The following BMP6 variants were observed in gnomAD, a reference collection of about 807,000 sequenced individuals.
The protein encoded by BMP6 is VG-1-R.
In BMP6, 17 loss-of-function variants were observed where a neutral mutation model predicts 54.1. The ratio of observed to expected loss-of-function variants is 0.31; its 90% CI spans 0.22 to 0.47. The LOEUF (loss-of-function observed/expected upper bound fraction) is 0.47, where lower values mean the gene tolerates loss of function less well. Ranked by LOEUF, BMP6 falls within the 20% of genes least tolerant of loss-of-function variation. The pLI is 1.00. For missense variants in BMP6, 720 were observed against 690.4 expected, an observed-to-expected ratio of 1.04 and a Z score of -0.48; for synonymous variants, 328 against 291.2, an observed-to-expected ratio of 1.13 and a Z score of -1.28.
rs201500880 is a variant in BMP6 at position 7,862,993 on chromosome 6, TTTG to T, written c.1204+507_1204+509del. ...ATTTAATGGAGAGGTTGAGGGTTTT[TTTG>T]TTGTTGTTGTTTGTTTTTGGGAGAC... On this transcript the variant is annotated intron_variant, in intron 4 of 6. Coordinates refer to ENST00000283147, the MANE Select transcript of BMP6 (RefSeq NM_001718.6). Among the ~76,000 whole-genome samples, 721 of 152,084 alleles carry T rather than the reference TTTG, an allele frequency of 4.7e-3. 3 individuals are homozygous for T. Among genetic ancestry groups the T allele is most frequent in the Middle Eastern group, 6.8e-3 (2 of 292 alleles).
intron 1 of BMP6, among the ~76,000 whole-genome samples, chr6:7,779,175 A>T (rs1757903523): frequency 6.6e-6 from 1 of 152,170 alleles, no homozygotes; most frequent in Non-Finnish European, 1.5e-5. Flanking sequence ...CCCAGCAAAT[A>T]TTTGTGGTGG....
At chr6:7,872,866 A>G (rs191381823) in intron 4 of BMP6, among the ~76,000 whole-genome samples, 1 of 137,594 alleles carries the variant, frequency 7.3e-6, no homozygotes, top group Admixed American at 8.0e-5. Flanking sequence ...AGGCTGGAGT[A>G]TGGTGGCATA....
At chr6:7,738,917 C>A (rs551493378) in intron 1 of BMP6, among the ~76,000 whole-genome samples, 1 of 152,252 alleles carries the variant, frequency 6.6e-6, no homozygotes, top group Non-Finnish European at 1.5e-5. Flanking sequence ...TCATCGACAC[C>A]TTGGCTCTTC....
intron 1 of BMP6, among the ~76,000 whole-genome samples, chr6:7,766,078 C>T (rs770539640): frequency 6.6e-6 from 1 of 152,120 alleles, no homozygotes; most frequent in African/African-American, 2.4e-5. Context: ...TTTTTTTGAG[C>T]GGCAGGGAAA....
intron 4 of BMP6, among the ~76,000 whole-genome samples, chr6:7,874,661 T>C (rs1759578204): frequency 6.6e-6 from 1 of 152,016 alleles, no homozygotes; most frequent in African/African-American, 2.4e-5. Context: ...GGTGGGAGCA[T>C]CACTTGAGCC....
At chr6:7,868,762 G>GC (rs1340159493) in intron 4 of BMP6, among the ~76,000 whole-genome samples, 1 of 152,264 alleles carries the variant, frequency 6.6e-6, no homozygotes, top group Admixed American at 6.5e-5. Flanking sequence ...GACCTGCTGA[G>GC]CGGGGACACC....
At chr6:7,817,586 T>TA (rs1554122978) in intron 1 of BMP6, among the ~76,000 whole-genome samples, 1 of 28,486 alleles carries the variant, frequency 3.5e-5, no homozygotes, top group Non-Finnish European at 6.8e-5. Context: ...GCGTGGGGGG[T>TA]GGGGGGAGGG....
chr6:7,842,196 C>T (rs536004746), intron 1 of BMP6, among the ~76,000 whole-genome samples: 1 of 152,304 alleles, frequency 6.6e-6, no homozygotes, highest in South Asian at 2.1e-4. Flanking sequence ...CCATCTCTCA[C>T]AGTCTTGTGG....
At chr6:7,875,401 G>C (rs565470747) in intron 4 of BMP6, among the ~76,000 whole-genome samples, 4 of 152,128 alleles carry the variant, frequency 2.6e-5, no homozygotes, top group African/African-American at 9.7e-5. Flanking sequence ...ACAGTTGCCA[G>C]ACTCAGTAGC....
rs568602030 is a variant in BMP6, at chr6:7,821,275, C to G, written c.665-23865C>G. Among the ~76,000 whole-genome samples, 4 of 152,312 alleles carry G rather than the reference C, an allele frequency of 2.6e-5. No homozygotes were observed. In the East Asian group the frequency reaches 7.7e-4, roughly 29 times the overall value. On this transcript the variant is annotated intron_variant, in intron 1 of 6. Transcript: ENST00000283147. ...CCCTAAAGGACTCTCCTGTCCCCAC[C>G]CAGGGGTGGCTTCACCTAGGCTGAG...
intron 1 of BMP6, 133 bp downstream of exon 1, chr6:7,727,752 C>A: frequency 8.7e-7 from 1 of 1,147,706 alleles, no homozygotes; most frequent in African/African-American, 1.6e-5. Context: ...AACGCGGGGA[C>A]AGGCAGGCTG....
chr6:7,816,497 T>A (rs902115806), intron 1 of BMP6, among the ~76,000 whole-genome samples: 1 of 152,126 alleles, frequency 6.6e-6, no homozygotes, highest in Non-Finnish European at 1.5e-5. Flanking sequence ...GAAGCAGAAG[T>A]AAAATTGGGA....
intron 1 of BMP6, among the ~76,000 whole-genome samples, chr6:7,734,182 G>A (rs1761918358): frequency 6.6e-6 from 1 of 152,162 alleles, no homozygotes. Flanking sequence ...TTTTTCTGGG[G>A]ACACGTATGC....
rs1759143030 is a variant in BMP6 at position 7,851,591 on chromosome 6, C to T, written c.857+6259C>T. On this transcript the variant is annotated intron_variant, in intron 2 of 6. Coordinates refer to ENST00000283147, the MANE Select transcript of BMP6 (RefSeq NM_001718.6). ...TTTCTCTTTTTCTTGCTTTATTGTG[C>T]TGGCTGGGACGTCCAGTACAATGTT... Among the ~76,000 whole-genome samples, 3 of 151,706 alleles carry T rather than the reference C, an allele frequency of 2.0e-5. No individual in the cohort carries two copies. The South Asian group carries it at 6.2e-4, about 31-fold the overall frequency.
intron 2 of BMP6, among the ~76,000 whole-genome samples, chr6:7,856,492 G>A (rs529423603): frequency 6.6e-6 from 1 of 151,948 alleles, no homozygotes; most frequent in African/African-American, 2.4e-5. Context: ...AAATGCAAAG[G>A]AATGTGTTAT....
intron 1 of BMP6, among the ~76,000 whole-genome samples, chr6:7,774,255 A>C (rs915788337): frequency 6.6e-6 from 1 of 152,202 alleles, no homozygotes; most frequent in Admixed American, 6.5e-5. Context: ...CTTCCACCCA[A>C]GAAAGCATAG....
intron 4 of BMP6, among the ~76,000 whole-genome samples, chr6:7,864,398 T>C (rs566092033): frequency 1.3e-5 from 2 of 152,348 alleles, no homozygotes; most frequent in African/African-American, 4.8e-5. Flanking sequence ...AGCATCAAAA[T>C]CTGGCTCATA....
intron 2 of BMP6, among the ~76,000 whole-genome samples, chr6:7,850,286 G>GC (rs1353013618): frequency 1.3e-5 from 2 of 152,120 alleles, no homozygotes; most frequent in Non-Finnish European, 2.9e-5. Flanking sequence ...GGGACTACAG[G>GC]CGCCCGCCAC....
chr6:7,804,742 A>G (rs531847970), intron 1 of BMP6, among the ~76,000 whole-genome samples: 1 of 152,322 alleles, frequency 6.6e-6, no homozygotes, highest in Admixed American at 6.5e-5. Flanking sequence ...TCTATTCTAA[A>G]CACAAGGAGA....
Sources: gnomAD v4.1 joint callset for allele counts (sites outside exome capture counted in the v4.1 genomes callset) on GRCh38, gnomAD v4.1.1 for gene constraint, MANE v1.5 for transcripts, NCBI Gene and HGNC (gene_info 2026-07-23, HGNC 2026-07-21) for gene names.